Variants in KIAA1217 observed in about 807,000 individuals in gnomAD.
KIAA1217 encodes the protein sickle tail protein homolog.
A neutral mutation model predicts 163.9 loss-of-function variants in KIAA1217; 88 were observed. The ratio of observed to expected loss-of-function variants is 0.54; its 90% confidence interval spans 0.45 to 0.64. The LOEUF is 0.64. Among genes scored for constraint, KIAA1217 ranks in the 30% least tolerant of loss-of-function variants. The probability of loss-of-function intolerance (pLI) is 0.00; values close to 1 mark genes in which losing one functional copy is unlikely to be tolerated. For synonymous variants in KIAA1217, 903 were observed against 923.1 expected (o/e 0.98, Z 0.39); for missense variants, 2,372 against 2,475.0 (o/e 0.96, Z 0.88).
At chr10:24,055,641 G>A (rs2131590175) in intron 2 of KIAA1217, among the ~76,000 whole-genome samples, 1 of 152,230 alleles carries the variant, frequency 6.6e-6, no homozygotes, top group South Asian at 2.1e-4. Context: ...TGGTTTTGAT[G>A]ATGAAGTTCT....
chr10:23,913,468 A>G (rs1842518699), intron 1 of KIAA1217, among the ~76,000 whole-genome samples: 1 of 151,648 alleles, frequency 6.6e-6, no homozygotes. Context: ...TCTGCACCCC[A>G]CAACTTGCCT....
chr10:23,723,829 CG>C (rs1442367581), intron 1 of KIAA1217, among the ~76,000 whole-genome samples: 2 of 152,054 alleles, frequency 1.3e-5, no homozygotes, highest in African/African-American at 4.8e-5. Flanking sequence ...TGTATTAGGC[CG>C]TTCTCAGATT....
upstream of KIAA1217, among the ~76,000 whole-genome samples, chr10:24,208,016 G>A (rs898923750): frequency 1.3e-5 from 2 of 150,828 alleles, no homozygotes; most frequent in African/African-American, 4.9e-5. Flanking sequence ...TCCTGTGACG[G>A]GGCTACTACA....
At chr10:23,723,787 T>A (rs1384484233) in intron 1 of KIAA1217, among the ~76,000 whole-genome samples, 3 of 152,190 alleles carry the variant, frequency 2.0e-5, no homozygotes. Context: ...TTTTAAAAAA[T>A]GTTAAAATTC....
At chr10:24,337,155 C>T (rs116697027) in intron 2 of KIAA1217, among the ~76,000 whole-genome samples, 96 of 152,274 alleles carry the variant, frequency 6.3e-4, no homozygotes, top group African/African-American at 2.2e-3. Context: ...ATTTGCAAAT[C>T]GTACACCTGA....
chr10:24,399,728 A>G (rs1168779150), intron 3 of KIAA1217, among the ~76,000 whole-genome samples: 2 of 152,226 alleles, frequency 1.3e-5, no homozygotes, highest in African/African-American at 4.8e-5. Flanking sequence ...AAAAATACAG[A>G]AATTATGCTA....
chr10:24,267,367 A>G (rs1590376504), intron 2 of KIAA1217, among the ~76,000 whole-genome samples: 1 of 152,340 alleles, frequency 6.6e-6, no homozygotes, highest in East Asian at 1.9e-4. Context: ...AAGGTCTTAC[A>G]GAAACCCAGA....
At chr10:24,453,562 G>A (rs796071569) in intron 5 of KIAA1217, among the ~76,000 whole-genome samples, 11 of 152,340 alleles carry the variant, frequency 7.2e-5, no homozygotes, top group African/African-American at 2.4e-4. Context: ...TTTGAATAGA[G>A]CAATATTGGC....
intron 14 of KIAA1217, among the ~76,000 whole-genome samples, chr10:24,529,506 A>T (rs79240130): frequency 0.028 from 4,239 of 151,944 alleles, 201 homozygotes; most frequent in African/African-American, 0.096. Context: ...ATATATATAT[A>T]TTTTTCCATC....
chr10:24,365,173 C>T (rs1371490735), intron 2 of KIAA1217, among the ~76,000 whole-genome samples: 1 of 152,224 alleles, frequency 6.6e-6, no homozygotes, highest in East Asian at 1.9e-4. Flanking sequence ...TCCTTGCCCC[C>T]GTTTCTCCAT....
chr10:24,199,936 TTTTA>T (rs2067169691), intron 2 of KIAA1217, among the ~76,000 whole-genome samples: 1 of 151,838 alleles, frequency 6.6e-6, no homozygotes, highest in Admixed American at 6.6e-5. Context: ...TTTTATATAT[TTTTA>T]TTTATATATT....
intron 9 of KIAA1217, among the ~76,000 whole-genome samples, chr10:24,510,746 G>A (rs1026352322): frequency 2.6e-5 from 4 of 152,098 alleles, no homozygotes; most frequent in African/African-American, 9.7e-5. Context: ...TTAATCAACC[G>A]ATATGAACAG....
In KIAA1217 at chr10:24,076,877, C is replaced by CTTT. The variant is rs10573976; in HGVS notation, c.-171+69518_-171+69520dup. Among the ~76,000 whole-genome samples, 163 of 140,980 alleles carry CTTT rather than the reference C, an allele frequency of 1.2e-3. 1 individual carries two copies. Among genetic ancestry groups the CTTT allele is most frequent in the African/African-American group, 4.0e-3 (156 of 39,328 alleles). 92.5% of individuals were successfully genotyped at this position (140,980 alleles called of 152,430 possible). On this transcript the variant is annotated intron_variant, in intron 2 of 18. Coordinates refer to the KIAA1217 transcript ENST00000376462. ...TAAACTGCTAATTTTTTATTTCCAT[C>CTTT]TTTTTTTTTTTTTTTTTGAGATGGA...
intron 1 of KIAA1217, among the ~76,000 whole-genome samples, chr10:23,829,536 T>C (rs1009814875): frequency 1.3e-5 from 2 of 152,206 alleles, no homozygotes; most frequent in Non-Finnish European, 2.9e-5. Flanking sequence ...TCCTTTTTAT[T>C]AGAAAGATTT....
At chr10:24,118,151 TAAAA>T (rs75931103) in intron 2 of KIAA1217, among the ~76,000 whole-genome samples, 5 of 123,368 alleles carry the variant, frequency 4.1e-5, no homozygotes, top group Middle Eastern at 4.0e-3. Flanking sequence ...AAATAACGGT[TAAAA>T]AAAAAAAAAA....
At chr10:24,248,652 C>CA (rs2074115884) in intron 2 of KIAA1217, among the ~76,000 whole-genome samples, 1 of 76,406 alleles carries the variant, frequency 1.3e-5, no homozygotes, top group South Asian at 4.7e-4. Context: ...GCCTGGGCAA[C>CA]AAAGCAAGAC....
rs147427875 is a variant in KIAA1217, at chr10:24,270,651, C to T, written c.354+50742C>T. The stretch of plus-strand genomic sequence containing the variant: ...TGCCTCCCAGGTTCAAGAGATTCTC[C>T]TGCCTCAGCCGCCTAAGTAACTGAG... On this transcript the variant is annotated intron_variant, in intron 2 of 20. Coordinates refer to ENST00000376454, the MANE Select transcript of KIAA1217 (RefSeq NM_019590.5). 5.4e-3 allele frequency among the ~76,000 whole-genome samples: 820 copies of T among 152,282 alleles called. 7 individuals carry two copies. In the South Asian group the frequency reaches 0.062, roughly 12 times the overall value.
chr10:23,905,063 CTTTTTTTT>C (rs562938938), intron 1 of KIAA1217, among the ~76,000 whole-genome samples: 18 of 99,942 alleles, frequency 1.8e-4, no homozygotes, highest in Non-Finnish European at 2.6e-4. Context: ...TTCTCTTTTC[CTTTTTTTT>C]TTTTTTTTTT....
At chr10:24,369,714 G>T (rs1322054271) in intron 2 of KIAA1217, among the ~76,000 whole-genome samples, 5 of 152,086 alleles carry the variant, frequency 3.3e-5, no homozygotes, top group African/African-American at 9.7e-5. Context: ...CTACAAGCAG[G>T]TTTCTTTCCT....
Sources: gnomAD v4.1 joint callset for allele counts (sites outside exome capture counted in the v4.1 genomes callset) on GRCh38, gnomAD v4.1.1 for gene constraint, MANE v1.5 for transcripts, NCBI Gene and HGNC (gene_info 2026-07-23, HGNC 2026-07-21) for gene names.